Variants in AGBL4 observed in about 807,000 individuals in gnomAD.
AGBL4 encodes AGBL carboxypeptidase 4.
In AGBL4, 58 loss-of-function variants were observed where a neutral mutation model predicts 66.4. The ratio of observed to expected loss-of-function variants is 0.87; its 90% CI spans 0.71 to 1.09. AGBL4 has a LOEUF of 1.09. Among genes scored for constraint, AGBL4 ranks in the 50% least tolerant of loss-of-function variants. The pLI, the probability that AGBL4 is intolerant of heterozygous loss-of-function variation, is 0.00. For synonymous variants in AGBL4, 234 were observed against 222.9 expected, an observed-to-expected ratio of 1.05 and a Z score of -0.44; for missense variants, 579 against 631.0, an observed-to-expected ratio of 0.92 and a Z score of 0.88.
At chr1:49,165,783 G>A (rs1471689335) in intron 4 of AGBL4, among the ~76,000 whole-genome samples, 1 of 151,130 alleles carries the variant, frequency 6.6e-6, no homozygotes, top group African/African-American at 2.4e-5. Flanking sequence ...AAGGAGGGAA[G>A]GGGATGGAGG....
intron 4 of AGBL4, among the ~76,000 whole-genome samples, chr1:49,130,771 G>C (rs997885506): frequency 6.6e-6 from 1 of 151,844 alleles, no homozygotes; most frequent in Admixed American, 6.6e-5. Flanking sequence ...TTGTTCTTTT[G>C]GCTTAGGATT....
chr1:48,584,088 T>C (rs566316976), intron 11 of AGBL4: 1 of 152,378 alleles, frequency 6.6e-6, no homozygotes, highest in South Asian at 2.1e-4. Context: ...CACTCCCAAA[T>C]AGTCAATTAC....
chr1:49,600,817 T>G (rs77165827), intron 3 of AGBL4, among the ~76,000 whole-genome samples: 1 of 152,186 alleles, frequency 6.6e-6, no homozygotes, highest in Non-Finnish European at 1.5e-5. Context: ...GGTGACAAAA[T>G]CTCTCAGCAT....
At chr1:49,683,289 C>T (rs538856856) in intron 3 of AGBL4, among the ~76,000 whole-genome samples, 2 of 152,242 alleles carry the variant, frequency 1.3e-5, no homozygotes, top group African/African-American at 4.8e-5. Context: ...ACCAGGGTGT[C>T]ATTGCAGAGA....
intron 2 of AGBL4, among the ~76,000 whole-genome samples, chr1:49,814,080 C>A (rs1236024385): frequency 2.0e-5 from 3 of 152,100 alleles, no homozygotes; most frequent in African/African-American, 7.2e-5. Flanking sequence ...GAGGCCTCCC[C>A]AGCCATGTGG....
chr1:49,211,210 GTC>G (rs1208776453), intron 4 of AGBL4, among the ~76,000 whole-genome samples: 1 of 152,046 alleles, frequency 6.6e-6, no homozygotes, highest in Non-Finnish European at 1.5e-5. Context: ...TCTTTGAAAT[GTC>G]TCTCTTATTT....
At chr1:49,712,157 G>T (rs191985348) in intron 2 of AGBL4, among the ~76,000 whole-genome samples, 29 of 151,940 alleles carry the variant, frequency 1.9e-4, no homozygotes, top group Non-Finnish European at 5.9e-5. Flanking sequence ...TAATAATATG[G>T]TACAATATTA....
intron 11 of AGBL4, among the ~76,000 whole-genome samples, chr1:48,568,830 G>A (rs1644515975): frequency 6.6e-6 from 1 of 152,124 alleles, no homozygotes. Flanking sequence ...TCTACCTTAT[G>A]TGTCCTTTCA....
intron 3 of AGBL4, among the ~76,000 whole-genome samples, chr1:49,530,891 C>T (rs933559259): frequency 6.6e-6 from 1 of 152,008 alleles, no homozygotes; most frequent in South Asian, 2.1e-4. Flanking sequence ...AGACAAATTA[C>T]TCAACTTTTC....
intron 3 of AGBL4, among the ~76,000 whole-genome samples, chr1:49,315,771 A>C (rs1340652789): frequency 6.6e-6 from 1 of 152,056 alleles, no homozygotes; most frequent in Non-Finnish European, 1.5e-5. Flanking sequence ...ATTTACCCAA[A>C]TGATTTGAAA....
chr1:48,941,398 T>A (rs1655961643), intron 5 of AGBL4, among the ~76,000 whole-genome samples: 1 of 152,230 alleles, frequency 6.6e-6, no homozygotes, highest in Non-Finnish European at 1.5e-5. Context: ...TTCATTTCAA[T>A]AGGTCACAAT....
At chr1:49,742,633 G>A (rs1160602032) in intron 2 of AGBL4, among the ~76,000 whole-genome samples, 4 of 152,024 alleles carry the variant, frequency 2.6e-5, no homozygotes, top group Non-Finnish European at 5.9e-5. Flanking sequence ...GAAGCATCAC[G>A]CTACCTGACT....
At chr1:49,830,013 T>C (rs1264732781) in intron 2 of AGBL4, among the ~76,000 whole-genome samples, 1 of 152,216 alleles carries the variant, frequency 6.6e-6, no homozygotes, top group Admixed American at 6.5e-5. Context: ...ATCCAGCCTA[T>C]CATTAGTGGG....
At chr1:49,683,622 T>C (rs1429023677) in intron 3 of AGBL4, among the ~76,000 whole-genome samples, 3 of 152,144 alleles carry the variant, frequency 2.0e-5, no homozygotes, top group African/African-American at 2.4e-5. Flanking sequence ...TGTGGGAGAA[T>C]AGCCTGGAAG....
chr1:48,535,909 T>C (rs570535243), intron 12 of AGBL4, among the ~76,000 whole-genome samples: 65 of 152,106 alleles, frequency 4.3e-4, no homozygotes, highest in Non-Finnish European at 9.1e-4. Flanking sequence ...GTAACAGTCA[T>C]GGATTATTTA....
chr1:49,379,468 C>A (rs4411166), intron 3 of AGBL4, among the ~76,000 whole-genome samples: 63 of 152,136 alleles, frequency 4.1e-4, no homozygotes, highest in African/African-American at 1.5e-3. Flanking sequence ...TCAGCACATA[C>A]CCATTTTAAA....
rs1027626203 is a variant in AGBL4, at chr1:48,973,726, C to T, written c.594+71858G>A. Among the ~76,000 whole-genome samples, 25 of 152,260 alleles carry T rather than the reference C, an allele frequency of 1.6e-4. No individual in the cohort carries two copies. In the South Asian group the frequency reaches 3.5e-3, roughly 21 times the overall value. On this transcript the variant is annotated intron_variant, in intron 5 of 13. Coordinates refer to ENST00000371839, the MANE Select transcript of AGBL4 (RefSeq NM_032785.4). ...CTGCTCAAACCTTTCTCCCCCTAGA[C>T]ATATCTTACTGCATTTATTCGATGA...
At chr1:49,145,411 G>A (rs1415581029) in intron 4 of AGBL4, among the ~76,000 whole-genome samples, 2 of 152,174 alleles carry the variant, frequency 1.3e-5, no homozygotes, top group Admixed American at 6.5e-5. Flanking sequence ...AGTATCCATT[G>A]TATGGAATGC....
chr1:49,593,855 G>A (rs1420664410), intron 3 of AGBL4, among the ~76,000 whole-genome samples: 6 of 151,476 alleles, frequency 4.0e-5, no homozygotes, highest in South Asian at 2.1e-4. Context: ...TAACATGTTC[G>A]GTGAAAAAAA....
Sources: gnomAD v4.1 joint callset for allele counts (sites outside exome capture counted in the v4.1 genomes callset) on GRCh38, gnomAD v4.1.1 for gene constraint, MANE v1.5 for transcripts, NCBI Gene and HGNC (gene_info 2026-07-23, HGNC 2026-07-21) for gene names.